Variants in PARD3B observed in about 807,000 individuals in gnomAD.
PARD3B encodes the protein partitioning defective 3 homolog B.
In PARD3B, 103 loss-of-function variants were observed where a neutral mutation model predicts 130.2. The observed-to-expected ratio is 0.79, with a 90% CI of 0.67 to 0.93. The LOEUF is 0.93. PARD3B is among the 40% of genes least tolerant of loss of function. The pLI is 0.00. For synonymous variants in PARD3B, 583 were observed against 553.2 expected, an observed-to-expected ratio of 1.05 and a Z score of -0.76; for missense variants, 1,609 against 1,499.2, an observed-to-expected ratio of 1.07 and a Z score of -1.21.
chr2:205,510,579 T>A (rs1401155595), intron 21 of PARD3B, among the ~76,000 whole-genome samples: 4 of 152,152 alleles, frequency 2.6e-5, no homozygotes, highest in Non-Finnish European at 5.9e-5. Flanking sequence ...CCTTCAAAAG[T>A]ACATTCCTTT....
chr2:205,177,054 A>T (rs568430421), intron 13 of PARD3B, among the ~76,000 whole-genome samples: 22 of 152,260 alleles, frequency 1.4e-4, no homozygotes, highest in African/African-American at 5.1e-4. Flanking sequence ...GATGGTTGGA[A>T]TGTTCTTGTT....
At chr2:204,808,707 C>T (rs2042860591) in intron 2 of PARD3B, among the ~76,000 whole-genome samples, 1 of 152,096 alleles carries the variant, frequency 6.6e-6, no homozygotes, top group African/African-American at 2.4e-5. Flanking sequence ...TATACATGTA[C>T]CACATTTTCT....
rs1483643579 is a variant in PARD3B at position 205,397,073 on chromosome 2, A to C, written c.2631-3940A>C. 6.6e-6 allele frequency among the ~76,000 whole-genome samples: 1 copy of C among 152,204 alleles called. No homozygotes were observed. The highest frequency in any genetic ancestry group is 1.5e-5 in the Non-Finnish European group (1 of 68,036). ...GATAATTAAGTTGTCTTATTGCAAA[A>C]TGAAAAAGAATTCAGTGTGTTAATA... is the stretch of plus-strand genomic sequence containing the variant. On this transcript the variant is annotated intron_variant, in intron 18 of 22. Coordinates refer to ENST00000406610, the MANE Select transcript of PARD3B (RefSeq NM_001302769.2). This position sits in a 1 kb window ranked among gnomAD's most constrained non-coding sequence, Gnocchi z 4.8.
At chr2:205,391,051 C>T (rs2045840976) in intron 18 of PARD3B, among the ~76,000 whole-genome samples, 1 of 152,178 alleles carries the variant, frequency 6.6e-6, no homozygotes, top group Non-Finnish European at 1.5e-5. Context: ...TTTCCTTCTG[C>T]AGGATGAATC....
Position 205,405,442 on chromosome 2 carries a change from A to G in PARD3B, c.2741+4319A>G, listed in dbSNP as rs2106029914. Among the ~76,000 whole-genome samples, 1 of 152,322 alleles carries G rather than the reference A, an allele frequency of 6.6e-6. No homozygotes were observed. Among genetic ancestry groups the G allele is most frequent in the Admixed American group, 6.5e-5 (1 of 15,300 alleles). ...TAATCTCCAGGCTTCACAAAGAGCA[A>G]GGTACTCTCCTAGACATCAGAATTG... On this transcript the variant is annotated intron_variant, in intron 19 of 22. Coordinates refer to ENST00000406610, the MANE Select transcript of PARD3B (RefSeq NM_001302769.2). This position sits in a 1 kb window ranked among gnomAD's most constrained non-coding sequence, Gnocchi z 4.1.
intron 18 of PARD3B, among the ~76,000 whole-genome samples, chr2:205,375,400 G>T (rs951589588): frequency 1.3e-5 from 2 of 152,146 alleles, no homozygotes; most frequent in Non-Finnish European, 2.9e-5. Flanking sequence ...TGAGGGGAAG[G>T]GTCAGGAAGA....
At chr2:205,408,418 A>C (rs1027379400) in intron 19 of PARD3B, among the ~76,000 whole-genome samples, 3 of 152,184 alleles carry the variant, frequency 2.0e-5, no homozygotes, top group Non-Finnish European at 2.9e-5. Context: ...GTTACTGGAA[A>C]TTGAAATGAA....
chr2:205,229,009 C>G lies in PARD3B; in HGVS notation c.2141-16769C>G, dbSNP rs1343136303. 6.6e-6 allele frequency among the ~76,000 whole-genome samples: 1 copy of G among 152,188 alleles called. No homozygotes were observed. ...TCTGATAGGAGTCTGAATGACTTCT[C>G]TTTGTTACCTTGAATTTCACTGAGT... On this transcript the variant is annotated intron_variant, in intron 15 of 22. Coordinates refer to ENST00000406610, the MANE Select transcript of PARD3B (RefSeq NM_001302769.2). This position sits in a 1 kb window ranked among gnomAD's most constrained non-coding sequence, Gnocchi z 5.2.
At position 204,934,000 on chromosome 2, in the gene PARD3B, A is replaced by T. The variant is rs142347758; in HGVS notation, c.223-31152A>T. On this transcript the variant is annotated intron_variant, in intron 2 of 22. Transcript: ENST00000406610. ...CCTCAAAGCACTCTTGTTAATTGTC[A>T]CCTTATTCCTATGAGCAAAGGAGAC... Among the ~76,000 whole-genome samples the T allele has an allele frequency of 1.1e-4, 16 of 152,262 alleles. No individual in the cohort carries two copies. The East Asian group carries it at 1.9e-3, about 18-fold the overall frequency.
chr2:205,150,160 T>A (rs78698635), intron 10 of PARD3B, among the ~76,000 whole-genome samples: 231 of 151,998 alleles, frequency 1.5e-3, no homozygotes, highest in African/African-American at 5.4e-3. Context: ...AATGAAAAGA[T>A]TTAAAACTAA....
At chr2:205,282,039 C>G (rs1215929586) in intron 16 of PARD3B, among the ~76,000 whole-genome samples, 1 of 152,056 alleles carries the variant, frequency 6.6e-6, no homozygotes, top group East Asian at 1.9e-4. Context: ...CACTAGCCCT[C>G]TTTTTATTTG....
intron 2 of PARD3B, among the ~76,000 whole-genome samples, chr2:204,939,202 A>C (rs1465018263): frequency 6.6e-6 from 1 of 152,166 alleles, no homozygotes; most frequent in Non-Finnish European, 1.5e-5. Flanking sequence ...ATAAAAACTT[A>C]AAATATGCAA....
chr2:204,627,169 C>T (rs184096594), intron 1 of PARD3B, among the ~76,000 whole-genome samples: 18 of 152,248 alleles, frequency 1.2e-4, no homozygotes, highest in Admixed American at 1.2e-3. Context: ...CCTGAGGCTT[C>T]CCAAGGCATG....
intron 2 of PARD3B, among the ~76,000 whole-genome samples, chr2:204,851,758 T>TC (rs1479941506): frequency 1.3e-5 from 2 of 152,126 alleles, no homozygotes; most frequent in Non-Finnish European, 2.9e-5. Context: ...TTTTTTTTTT[T>TC]CTCGGCTCAC....
intron 20 of PARD3B, among the ~76,000 whole-genome samples, chr2:205,465,654 G>A (rs2048596107): frequency 6.6e-6 from 1 of 152,190 alleles, no homozygotes; most frequent in East Asian, 1.9e-4. Context: ...AAGAAAGGCA[G>A]TAGCAGTTCA....
chr2:205,238,849 A>AAAAAAAAATATATAT (rs1273582854), intron 15 of PARD3B, among the ~76,000 whole-genome samples: 4 of 76,914 alleles, frequency 5.2e-5, no homozygotes, highest in Non-Finnish European at 9.2e-5. Context: ...AAAAAAAAAA[A>AAAAAAAAATATATAT]ATATATATAT....
chr2:205,314,645 A>G (rs1021970376), intron 18 of PARD3B, among the ~76,000 whole-genome samples: 5 of 152,204 alleles, frequency 3.3e-5, no homozygotes, highest in African/African-American at 4.8e-5. Flanking sequence ...TAGATAGGAG[A>G]TATACAAATA....
At chr2:205,371,536 C>G (rs1173125134) in intron 18 of PARD3B, among the ~76,000 whole-genome samples, 4 of 152,138 alleles carry the variant, frequency 2.6e-5, no homozygotes, top group African/African-American at 9.7e-5. Context: ...GTAGAGTTTT[C>G]TGATTTGTGT....
At chr2:204,926,909 A>G (rs1687662739) in intron 2 of PARD3B, among the ~76,000 whole-genome samples, 1 of 152,144 alleles carries the variant, frequency 6.6e-6, no homozygotes, top group South Asian at 2.1e-4. Context: ...ATACATGACA[A>G]AAGATATATA....
Sources: allele counts gnomAD v4.1 joint callset (sites outside exome capture counted in the v4.1 genomes callset), GRCh38; gene constraint gnomAD v4.1.1; non-coding constraint Gnocchi (gnomAD v3.1); transcripts MANE v1.5; gene names NCBI Gene and HGNC (gene_info 2026-07-23, HGNC 2026-07-21).